The following TTBK2 variants were observed in gnomAD, a reference collection of about 807,000 sequenced individuals.
TTBK2 encodes tau-tubulin kinase 2.
In TTBK2, 28 loss-of-function variants were observed where a neutral mutation model predicts 110.8. The observed-to-expected ratio is 0.25, with a 90% CI of 0.19 to 0.35. TTBK2 has a LOEUF of 0.35. TTBK2 is among the 10% of genes least tolerant of loss of function. The pLI is 1.00. For synonymous variants in TTBK2, 532 were observed against 527.3 expected, an observed-to-expected ratio of 1.01 and a Z score of -0.12; for missense variants, 1,369 against 1,500.3, an observed-to-expected ratio of 0.91 and a Z score of 1.45.
Position 42,815,958 on chromosome 15 carries a change from A to AAT in TTBK2, c.603+1072_603+1073dup, listed in dbSNP as rs1555427628. Among the ~76,000 whole-genome samples, 244 of 91,684 alleles carry AAT rather than the reference A, an allele frequency of 2.7e-3. 3 individuals carry two copies. The highest frequency in any genetic ancestry group is 6.5e-3 in the African/African-American group (105 of 16,140). The allele number at this position is 91,684 out of a possible 152,430, so 60.1% of individuals were successfully genotyped here. ...TATATATATATATATTTAAAAAAAA[A>AAT]ATATATATATATATATATATTTGAG... On this transcript the variant is annotated intron_variant, in intron 7 of 14. Coordinates refer to ENST00000267890, the MANE Select transcript of TTBK2 (RefSeq NM_173500.4).
At chr15:42,798,279 G>C (rs1248841163) in intron 9 of TTBK2, 1 of 456,040 alleles carries the variant, frequency 2.2e-6, no homozygotes, top group African/African-American at 2.0e-5. Context: ...AACTGGAAAG[G>C]GAGAAGGGAA....
chr15:42,868,909 C>A (rs541129278), intron 3 of TTBK2, among the ~76,000 whole-genome samples: 3 of 151,208 alleles, frequency 2.0e-5, no homozygotes, highest in African/African-American at 7.3e-5. Context: ...AAAAGATGTG[C>A]CTGTCTTACT....
At chr15:42,831,812 C>T (rs1004940273) in intron 4 of TTBK2, among the ~76,000 whole-genome samples, 4 of 152,180 alleles carry the variant, frequency 2.6e-5, no homozygotes, top group South Asian at 2.1e-4. Flanking sequence ...AAGACTGGCT[C>T]TCCTATCGCA....
chr15:42,821,675 T>G (rs1892302248), intron 6 of TTBK2, among the ~76,000 whole-genome samples: 1 of 144,658 alleles, frequency 6.9e-6, no homozygotes, highest in Non-Finnish European at 1.5e-5. Context: ...TTGCCAGGGT[T>G]TTTGTTTTTT....
chr15:42,852,917 G>A (rs1267376679), intron 3 of TTBK2, among the ~76,000 whole-genome samples: 1 of 152,178 alleles, frequency 6.6e-6, no homozygotes, highest in African/African-American at 2.4e-5. Context: ...AGAATGAAGG[G>A]TAAGGATGTA....
chr15:42,878,131 G>A (rs1894888208), intron 2 of TTBK2, among the ~76,000 whole-genome samples: 1 of 147,822 alleles, frequency 6.8e-6, no homozygotes, highest in South Asian at 2.1e-4. Context: ...CCTGCACCAC[G>A]CCCAGCTAAT....
At chr15:42,748,726 T>C (rs1423602888) in intron 14 of TTBK2, among the ~76,000 whole-genome samples, 14 of 152,114 alleles carry the variant, frequency 9.2e-5, no homozygotes, top group Non-Finnish European at 8.8e-5. Flanking sequence ...GAAAGCACTC[T>C]TCACTGGTTT....
intron 4 of TTBK2, among the ~76,000 whole-genome samples, chr15:42,833,419 C>T (rs1352821884): frequency 6.6e-6 from 1 of 151,834 alleles, no homozygotes; most frequent in Non-Finnish European, 1.5e-5. Flanking sequence ...TATAATGAAC[C>T]TTCATGTATC....
At chr15:42,847,016 T>C (rs1035181860) in intron 3 of TTBK2, among the ~76,000 whole-genome samples, 1 of 152,174 alleles carries the variant, frequency 6.6e-6, no homozygotes, top group Non-Finnish European at 1.5e-5. Flanking sequence ...CAATATCCTT[T>C]TTAATAAACT....
intron 3 of TTBK2, among the ~76,000 whole-genome samples, chr15:42,848,717 T>C (rs1290361003): frequency 2.0e-5 from 3 of 152,218 alleles, no homozygotes; most frequent in African/African-American, 4.8e-5. Context: ...CTCGAACTCC[T>C]GACCTCAGGT....
intron 7 of TTBK2, among the ~76,000 whole-genome samples, chr15:42,815,652 T>A (rs572404124): frequency 6.6e-6 from 1 of 151,444 alleles, no homozygotes; most frequent in East Asian, 1.9e-4. Context: ...AAAGGGATAA[T>A]TTACTAAAAC....
intron 2 of TTBK2, among the ~76,000 whole-genome samples, chr15:42,873,453 AAC>A: frequency 6.6e-6 from 1 of 152,028 alleles, no homozygotes; most frequent in African/African-American, 2.4e-5. Context: ...AAAAACAAAA[AAC>A]ACTACAAAAT....
At chr15:42,883,574 T>C (rs1895133168) in intron 1 of TTBK2, among the ~76,000 whole-genome samples, 1 of 151,614 alleles carries the variant, frequency 6.6e-6, no homozygotes, top group African/African-American at 2.4e-5. Context: ...GCAACCGCTT[T>C]AAAAACTACA....
chr15:42,912,152 C>T (rs1324003857), intron 1 of TTBK2, among the ~76,000 whole-genome samples: 1 of 152,158 alleles, frequency 6.6e-6, no homozygotes, highest in Non-Finnish European at 1.5e-5. Flanking sequence ...GAAAGGTAAA[C>T]TGAGTTCAAA....
rs199916994 is a variant in TTBK2 at position 42,815,818 on chromosome 15, A to C, written c.603+1214T>G. Among the ~76,000 whole-genome samples the C allele has an allele frequency of 2.2e-4, 32 of 143,860 alleles. 2 individuals are homozygous for C. In the East Asian group the frequency reaches 6.4e-3, roughly 29 times the overall value. The allele number at this position is 143,860 out of a possible 152,430, so 94.4% of individuals were successfully genotyped here. ...TTATATTCCCAAATAATTTCTTGAA[A>C]TAGTACACAGATGTTCAATCTCTTC... is the stretch of plus-strand genomic sequence containing the variant. On this transcript the variant is annotated intron_variant, in intron 7 of 14. Transcript: ENST00000267890.
chr15:42,898,583 G>T (rs1221721392), intron 1 of TTBK2, among the ~76,000 whole-genome samples: 1 of 151,996 alleles, frequency 6.6e-6, no homozygotes, highest in East Asian at 1.9e-4. Flanking sequence ...CTAAGTACTG[G>T]CCTAACCAAA....
Position 42,804,384 on chromosome 15 carries a change from T to C in TTBK2, c.822+6230A>G, listed in dbSNP as rs1158697868. Among the ~76,000 whole-genome samples, 5 of 150,518 alleles carry C rather than the reference T, an allele frequency of 3.3e-5. No homozygotes were observed. The East Asian group carries it at 9.8e-4, about 29-fold the overall frequency. On this transcript the variant is annotated intron_variant, in intron 9 of 14. Transcript: ENST00000267890. ...TGAACCCAGGAGGTAGAGGTTGCAG[T>C]GAGCTGAGATCACGCCATTGCACTC...
intron 6 of TTBK2, among the ~76,000 whole-genome samples, chr15:42,819,451 A>G (rs1266789962): frequency 1.3e-5 from 2 of 151,942 alleles, no homozygotes; most frequent in African/African-American, 4.8e-5. Context: ...TTTATAATCT[A>G]TGTTTAATCA....
chr15:42,817,245 C>G (rs950391582), intron 6 of TTBK2, 148 bp from the exon 7 acceptor site: 32 of 420,290 alleles, frequency 7.6e-5, no homozygotes, highest in African/African-American at 5.8e-4. Flanking sequence ...TATGAAATTA[C>G]AAGAAACTAG....
Sources: gnomAD v4.1 joint callset for allele counts (sites outside exome capture counted in the v4.1 genomes callset) on GRCh38, gnomAD v4.1.1 for gene constraint, MANE v1.5 for transcripts, NCBI Gene and HGNC (gene_info 2026-07-23, HGNC 2026-07-21) for gene names.